Variants in PPP1R12B observed in about 807,000 individuals in gnomAD.
The protein encoded by PPP1R12B is protein phosphatase 1 regulatory subunit 12B.
A neutral mutation model predicts 126.1 loss-of-function variants in PPP1R12B; 76 were observed. The ratio of observed to expected loss-of-function variants is 0.60; its 90% CI spans 0.50 to 0.73. PPP1R12B has a LOEUF of 0.73. Among genes scored for constraint, PPP1R12B ranks in the 30% least tolerant of loss-of-function variants. The pLI is 0.00. For synonymous variants in PPP1R12B, 356 were observed against 434.7 expected (o/e 0.82, Z 2.25); for missense variants, 1,052 against 1,205.1 (o/e 0.87, Z 1.88).
intron 13 of PPP1R12B, among the ~76,000 whole-genome samples, chr1:202,474,392 C>A (rs1374746817): frequency 1.3e-5 from 2 of 151,826 alleles, no homozygotes; most frequent in African/African-American, 4.8e-5. Flanking sequence ...AAGTGATTCT[C>A]GTGCCTCAGC....
intron 18 of PPP1R12B, among the ~76,000 whole-genome samples, chr1:202,552,070 A>G (rs1270412992): frequency 1.3e-5 from 2 of 152,202 alleles, no homozygotes; most frequent in Non-Finnish European, 2.9e-5. Context: ...GAGATAATAA[A>G]TGGTTTTAAG....
At chr1:202,536,643 A>T (rs1321813143) in intron 18 of PPP1R12B, among the ~76,000 whole-genome samples, 1 of 152,106 alleles carries the variant, frequency 6.6e-6, no homozygotes, top group Non-Finnish European at 1.5e-5. Flanking sequence ...GCTTACTATA[A>T]TTTTTTTACT....
chr1:202,389,985 A>G (rs1241660296), intron 1 of PPP1R12B, among the ~76,000 whole-genome samples: 1 of 152,090 alleles, frequency 6.6e-6, no homozygotes, highest in Non-Finnish European at 1.5e-5. Flanking sequence ...TAGCCAAGAC[A>G]ATCCTGAAAA....
intron 13 of PPP1R12B, among the ~76,000 whole-genome samples, chr1:202,487,391 G>A (rs1423092952): frequency 6.6e-6 from 1 of 152,072 alleles, no homozygotes; most frequent in Non-Finnish European, 1.5e-5. Flanking sequence ...CTCTTTGATG[G>A]CAGGATTACA....
chr1:202,351,551 T>G (rs914216795), intron 1 of PPP1R12B, among the ~76,000 whole-genome samples: 5 of 152,186 alleles, frequency 3.3e-5, no homozygotes, highest in African/African-American at 1.2e-4. Context: ...CCTGGAGAAC[T>G]CCTAAGGTAC....
intron 18 of PPP1R12B, among the ~76,000 whole-genome samples, chr1:202,512,312 T>C (rs1332228859): frequency 1.3e-5 from 2 of 152,220 alleles, no homozygotes; most frequent in African/African-American, 4.8e-5. Context: ...AGGTGAAAGA[T>C]AATGTGCTGA....
At chr1:202,440,163 A>T (rs1459080544) in intron 10 of PPP1R12B, among the ~76,000 whole-genome samples, 2 of 149,586 alleles carry the variant, frequency 1.3e-5, no homozygotes, top group Non-Finnish European at 3.0e-5. Context: ...ATTTTATAGG[A>T]CTCTCTTTGT....
chr1:202,359,530 C>T (rs1657766963), intron 1 of PPP1R12B, among the ~76,000 whole-genome samples: 1 of 151,856 alleles, frequency 6.6e-6, no homozygotes, highest in Non-Finnish European at 1.5e-5. Flanking sequence ...GCCTATAATC[C>T]TAGCACTGGG....
intron 1 of PPP1R12B, among the ~76,000 whole-genome samples, chr1:202,389,788 A>G (rs1167808159): frequency 1.3e-5 from 2 of 149,440 alleles, no homozygotes; most frequent in African/African-American, 4.9e-5. Context: ...TTAGCTGGGC[A>G]TGGTGGTGCA....
chr1:202,447,832 C>T (rs988901935), intron 12 of PPP1R12B, among the ~76,000 whole-genome samples: 2 of 151,992 alleles, frequency 1.3e-5, no homozygotes, highest in Non-Finnish European at 2.9e-5. Context: ...CCTATAGATT[C>T]GTATCTTGTA....
In PPP1R12B at chr1:202,564,537, A is replaced by C; in HGVS notation, c.2747A>C (p.Lys916Thr). 1 of 1,609,196 alleles carries C rather than the reference A, an allele frequency of 6.2e-7. No individual in the cohort carries two copies. Among genetic ancestry groups the C allele is most frequent in the African/African-American group, 1.3e-5 (1 of 74,998 alleles). ...ELADIKSKLE[K>T]VAQQKQEKTS... ...GCAGATATAAAGTCCAAGCTTGAGA[A>C]GGTGGCCCAGGTAAGACGGAAGAAG... Residue 916 changes from lysine (K) to threonine (T), a missense_variant, in exon 21 of 24, where the codon AAG (lysine) becomes ACG (threonine). By Grantham distance (78) the Lys-to-Thr change is moderately conservative. Transcript: ENST00000608999.
At chr1:202,358,448 C>A (rs976666572) in intron 1 of PPP1R12B, among the ~76,000 whole-genome samples, 12 of 152,100 alleles carry the variant, frequency 7.9e-5, no homozygotes, top group Non-Finnish European at 1.8e-4. Flanking sequence ...TTTGGGAGGC[C>A]AAGGCAGGCA....
chr1:202,404,555 G>A (rs1297412774), intron 1 of PPP1R12B, among the ~76,000 whole-genome samples: 3 of 152,006 alleles, frequency 2.0e-5, no homozygotes, highest in Non-Finnish European at 4.4e-5. Context: ...AGGCTGGAGT[G>A]CAGTGGCGTG....
At chr1:202,574,896 A>G in intron 23 of PPP1R12B, 2 of 1,213,652 alleles carry the variant, frequency 1.6e-6, no homozygotes, top group Non-Finnish European at 2.3e-6. Context: ...ACTAAAAACA[A>G]AAACAAAAAG....
At chr1:202,387,242 T>A (rs1663299866) in intron 1 of PPP1R12B, among the ~76,000 whole-genome samples, 1 of 152,224 alleles carries the variant, frequency 6.6e-6, no homozygotes, top group Non-Finnish European at 1.5e-5. Flanking sequence ...GTCAACAACG[T>A]CAGTGTGGCA....
In PPP1R12B at chr1:202,565,040, A is replaced by G. The variant is rs750590720; in HGVS notation, c.2757+493A>G. ...AAGGTGGTGCCACAACATAGGGTTA[A>G]GTCCCAAAGCAAAGATTCTGTAGCA... On this transcript the variant is annotated intron_variant, in intron 21 of 23. Coordinates refer to ENST00000608999, the MANE Select transcript of PPP1R12B (RefSeq NM_002481.4). The surrounding 1 kb of genome is among the most constrained non-coding windows in gnomAD (Gnocchi z 4.3). Among the ~76,000 whole-genome samples the G allele has an allele frequency of 2.0e-5, 3 of 152,256 alleles. No homozygotes were observed. Among genetic ancestry groups the G allele is most frequent in the Non-Finnish European group, 2.9e-5 (2 of 68,044 alleles).
rs1458588453 is a variant in PPP1R12B at position 202,350,396 on chromosome 1, T to A, written c.291+1254T>A. On this transcript the variant is annotated intron_variant, in intron 1 of 23. Transcript: ENST00000608999. The stretch of plus-strand genomic sequence containing the variant: ...GGCAGGTAGTGTTGTTATTCTCATT[T>A]TACAGATGAGGAAACTGAAGCTCAG... Among the ~76,000 whole-genome samples the A allele has an allele frequency of 3.9e-5, 6 of 152,330 alleles. No homozygotes were observed. The East Asian group carries it at 9.7e-4, about 25-fold the overall frequency.
At chr1:202,418,316 T>C (rs1668343961) in intron 2 of PPP1R12B, among the ~76,000 whole-genome samples, 1 of 152,238 alleles carries the variant, frequency 6.6e-6, no homozygotes, top group African/African-American at 2.4e-5. Context: ...GCTTATGATA[T>C]TTGAGCTACC....
intron 4 of PPP1R12B, among the ~76,000 whole-genome samples, chr1:202,426,215 C>T (rs980246346): frequency 6.6e-6 from 1 of 152,160 alleles, no homozygotes; most frequent in Non-Finnish European, 1.5e-5. Flanking sequence ...TCCATACATG[C>T]TTCTTGTAGC....
Sources: gnomAD v4.1 joint callset for allele counts (sites outside exome capture counted in the v4.1 genomes callset) on GRCh38, gnomAD v4.1.1 for gene constraint, Gnocchi (gnomAD v3.1) non-coding constraint, MANE v1.5 for transcripts, NCBI Gene and HGNC (gene_info 2026-07-23, HGNC 2026-07-21) for gene names.